Variants in SLC6A6 observed in about 807,000 individuals in gnomAD.
SLC6A6 encodes sodium- and chloride-dependent taurine transporter.
In SLC6A6, 16 loss-of-function variants were observed where a neutral mutation model predicts 68.8. The ratio of observed to expected loss-of-function variants is 0.23; its 90% CI spans 0.16 to 0.35. The LOEUF (loss-of-function observed/expected upper bound fraction) is 0.35, where lower values mean the gene tolerates loss of function less well. SLC6A6 is among the 10% of genes least tolerant of loss of function. SLC6A6 has a pLI of 1.00. For missense variants in SLC6A6, 474 were observed against 802.8 expected (o/e 0.59, Z 4.95); for synonymous variants, 312 against 315.4 (o/e 0.99, Z 0.12).
At chr3:14,425,716 C>T (rs1432523618) in intron 2 of SLC6A6, among the ~76,000 whole-genome samples, 16 of 138,648 alleles carry the variant, frequency 1.2e-4, no homozygotes, top group African/African-American at 3.7e-4. Flanking sequence ...GGACTCGGGG[C>T]AGGGAGGGTG....
At chr3:14,446,774 C>T (rs1288859113) in intron 4 of SLC6A6, among the ~76,000 whole-genome samples, 4 of 152,146 alleles carry the variant, frequency 2.6e-5, no homozygotes, top group African/African-American at 4.8e-5. Context: ...ATGACATAGC[C>T]ACGTAGAATG....
At chr3:14,460,148 C>G (rs1317207836) in intron 6 of SLC6A6, among the ~76,000 whole-genome samples, 1 of 152,098 alleles carries the variant, frequency 6.6e-6, no homozygotes, top group African/African-American at 2.4e-5. Flanking sequence ...TCATCACTTA[C>G]TTACGCACTA....
chr3:14,471,934 AC>A, intron 9 of SLC6A6, among the ~76,000 whole-genome samples: 1 of 151,564 alleles, frequency 6.6e-6, no homozygotes, highest in East Asian at 1.9e-4. Context: ...TCTGCATCCT[AC>A]CCCAAATAAC....
chr3:14,447,712 C>G lies in SLC6A6; in HGVS notation c.495C>G (p.Ser165Arg), dbSNP rs1700159345. The change falls in exon 5 of 15, where the codon AGC becomes AGG. Residue 165 changes from serine to arginine, a missense_variant. By Grantham distance (110) the Ser-to-Arg change is moderately radical. Coordinates refer to ENST00000622186, the MANE Select transcript of SLC6A6 (RefSeq NM_003043.6). Reference sequence around the variant, plus strand: ...TGCCCTGGGCACACTGCAACCACAGCTGGAACACACCTCACTGCATGGAGG... The same window carrying G: ...TGCCCTGGGCACACTGCAACCACAGGTGGAACACACCTCACTGCATGGAGG... ...KELPWAHCNH[S>R]WNTPHCMEDT... 2.5e-6 allele frequency: 4 copies of G among 1,614,276 alleles called. No individual in the cohort carries two copies. Among genetic ancestry groups the G allele is most frequent in the Non-Finnish European group, 3.4e-6 (4 of 1,180,044 alleles).
rs1027173409 is a variant in SLC6A6, at chr3:14,487,056, A to G, written c.*2049A>G. The G allele has an allele frequency of 2.0e-5, 3 of 152,588 alleles. No individual in the cohort carries two copies. Among genetic ancestry groups the G allele is most frequent in the African/African-American group, 7.2e-5 (3 of 41,410 alleles). 9.5% of individuals were successfully genotyped at this position (152,588 alleles called of 1,614,324 possible). ...TAACTTTAGTAAACTAACCACTGTC[A>G]ATGATTGAGGGCAGGTGGCACGTGG... is the stretch of plus-strand genomic sequence containing the variant. On this transcript the variant is annotated 3_prime_UTR_variant, in exon 15 of 15. Transcript: ENST00000622186.
At chr3:14,467,290 C>A (rs1463979472) in intron 7 of SLC6A6, among the ~76,000 whole-genome samples, 1 of 152,304 alleles carries the variant, frequency 6.6e-6, no homozygotes. Context: ...GGTTGGCCAG[C>A]CTTGGAGGAC....
At position 14,467,979 on chromosome 3, in the gene SLC6A6, T is replaced by C. The variant is rs1047536167; in HGVS notation, c.971+23T>C. The C allele has an allele frequency of 2.5e-6, 4 of 1,608,716 alleles. No individual in the cohort carries two copies. The African/African-American group carries it at 5.4e-5, about 22-fold the overall frequency. On this transcript the variant is annotated intron_variant, in intron 8 of 14. Transcript: ENST00000622186. ...CAGGCAAGTGTTGCGCCGGCGGGCC[T>C]GGTGGACTTTAGAAATGATGATGAT...
At chr3:14,445,292 G>A (rs3773187) in intron 3 of SLC6A6, among the ~76,000 whole-genome samples, 2 of 151,976 alleles carry the variant, frequency 1.3e-5, no homozygotes, top group Non-Finnish European at 2.9e-5. Flanking sequence ...GTGGTGGCGG[G>A]CGCCTGTAGT....
At chr3:14,407,270 G>C (rs974509782) in intron 1 of SLC6A6, among the ~76,000 whole-genome samples, 1 of 152,010 alleles carries the variant, frequency 6.6e-6, no homozygotes, top group Non-Finnish European at 1.5e-5. Flanking sequence ...GGCTGGTCTT[G>C]AACTCCTGAG....
In SLC6A6 at chr3:14,481,912, G is replaced by T; in HGVS notation, c.1722+71G>T. The T allele has an allele frequency of 7.3e-7, 1 of 1,373,494 alleles. No individual in the cohort carries two copies. The highest frequency in any genetic ancestry group is 1.0e-6 in the Non-Finnish European group (1 of 984,072). The allele number at this position is 1,373,494 out of a possible 1,614,324, so 85.1% of individuals were successfully genotyped here. Reference sequence around the variant, plus strand: ...CAAAGGTGATTGTTGTCAGTTTGCTGCGTGATCTCAGGCAAGTCACCTGCC... The same window carrying T: ...CAAAGGTGATTGTTGTCAGTTTGCTTCGTGATCTCAGGCAAGTCACCTGCC... On this transcript the variant is annotated intron_variant, in intron 14 of 14. Coordinates refer to ENST00000622186, the MANE Select transcript of SLC6A6 (RefSeq NM_003043.6). The surrounding 1 kb of genome is among the most constrained non-coding windows in gnomAD (Gnocchi z 4.7).
At chr3:14,482,098 A>T (rs2125000067) in intron 14 of SLC6A6, among the ~76,000 whole-genome samples, 1 of 152,092 alleles carries the variant, frequency 6.6e-6, no homozygotes, top group South Asian at 2.1e-4. Flanking sequence ...CCAGATGGAG[A>T]ATGTGAGAGG....
chr3:14,436,746 AGTCCAGCACGCCATCTGTCCT>A (rs1699865629), intron 2 of SLC6A6, among the ~76,000 whole-genome samples: 2 of 152,040 alleles, frequency 1.3e-5, no homozygotes, highest in African/African-American at 4.8e-5. Context: ...GGAGGGCTCC[AGTCCAGCACGCCATCTGTCCT>A]GCCTGAGTCT....
At chr3:14,411,126 G>C (rs1200826159) in intron 1 of SLC6A6, 1 of 152,450 alleles carries the variant, frequency 6.6e-6, no homozygotes, top group Non-Finnish European at 1.5e-5. Context: ...CTCTCTGCAT[G>C]TCACTCTCTT....
At chr3:14,437,207 T>G (rs556456720) in intron 2 of SLC6A6, among the ~76,000 whole-genome samples, 1 of 152,300 alleles carries the variant, frequency 6.6e-6, no homozygotes, top group African/African-American at 2.4e-5. Context: ...ATTCTGCTTG[T>G]GTATATGGTC....
At chr3:14,428,176 T>A (rs140110023) in intron 2 of SLC6A6, among the ~76,000 whole-genome samples, 2 of 152,196 alleles carry the variant, frequency 1.3e-5, no homozygotes, top group East Asian at 1.9e-4. Flanking sequence ...GGCTGGCCCC[T>A]GAGAGGCCTG....
chr3:14,471,329 C>T (rs1380256443), intron 9 of SLC6A6, among the ~76,000 whole-genome samples: 1 of 152,072 alleles, frequency 6.6e-6, no homozygotes, highest in Admixed American at 6.5e-5. Context: ...GACAGAGCTC[C>T]CATCTCCCCA....
intron 5 of SLC6A6, among the ~76,000 whole-genome samples, chr3:14,448,926 G>A (rs940438168): frequency 6.6e-6 from 1 of 152,262 alleles, no homozygotes; most frequent in Admixed American, 6.5e-5. Context: ...GGAAATAACT[G>A]AGATGAGGCC....
chr3:14,408,845 C>T lies in SLC6A6; in HGVS notation c.-54+5998C>T, dbSNP rs144266856. 8.9e-3 allele frequency among the ~76,000 whole-genome samples: 1,343 copies of T among 151,590 alleles called. 6 individuals are homozygous for T. The highest frequency in any genetic ancestry group is 0.016 in the African/African-American group (670 of 41,306). ...TTTTTGGGACGGAGTCTCGCTCTGT[C>T]GCCCAGGCTGGAGTGCAGTGGCGTG... On this transcript the variant is annotated intron_variant, in intron 1 of 14. Coordinates refer to ENST00000622186, the MANE Select transcript of SLC6A6 (RefSeq NM_003043.6).
chr3:14,428,370 G>C (rs1699649154), intron 2 of SLC6A6, among the ~76,000 whole-genome samples: 1 of 152,234 alleles, frequency 6.6e-6, no homozygotes, highest in Non-Finnish European at 1.5e-5. Context: ...CCTCGGCTCA[G>C]AGCCCAGGCT....
Sources: gnomAD v4.1 joint callset for allele counts (sites outside exome capture counted in the v4.1 genomes callset) on GRCh38, gnomAD v4.1.1 for gene constraint, Gnocchi (gnomAD v3.1) non-coding constraint, MANE v1.5 for transcripts, NCBI Gene and HGNC (gene_info 2026-07-23, HGNC 2026-07-21) for gene names.